The following RNF216 variants were observed in gnomAD, a reference collection of about 807,000 sequenced individuals.
RNF216 encodes the protein ring finger protein 216, also known as E3 ubiquitin-protein ligase RNF216.
In RNF216, 72 loss-of-function variants were observed where a neutral mutation model predicts 110.8. The ratio of observed to expected loss-of-function variants is 0.65; its 90% confidence interval spans 0.54 to 0.79. RNF216 has a LOEUF of 0.79. Among genes scored for constraint, RNF216 ranks in the 30% least tolerant of loss-of-function variants. The pLI is 0.00. For missense variants in RNF216, 1,342 were observed against 1,141.2 expected (o/e 1.18, Z -2.54); for synonymous variants, 495 against 407.5 (o/e 1.21, Z -2.59).
chr7:5,696,072 T>C lies in RNF216; in HGVS notation c.2061+15689A>G, dbSNP rs1215978440. On this transcript the variant is annotated intron_variant, in intron 13 of 16. Transcript: ENST00000389902. The surrounding 1 kb of genome is among the most constrained non-coding windows in gnomAD (Gnocchi z 5.4). ...ACCCAGCACGGCCTTGATCCCTGAC[T>C]CCCAGGAGGCACGGAAGGACAAGAA... is the stretch of plus-strand genomic sequence containing the variant. Among the ~76,000 whole-genome samples the C allele has an allele frequency of 6.6e-6, 1 of 152,024 alleles. No homozygotes were observed. The highest frequency in any genetic ancestry group is 1.5e-5 in the Non-Finnish European group (1 of 68,010).
rs1484079002 is a variant in RNF216, at chr7:5,651,331, A to G, written c.2159+1082T>C. 2.0e-5 allele frequency among the ~76,000 whole-genome samples: 3 copies of G among 152,008 alleles called. No homozygotes were observed. The East Asian group carries it at 5.8e-4, about 30-fold the overall frequency. Reference sequence around the variant, plus strand: ...AACCTCTGCCTCCCTGGTTCAAGCAATTCTCTTGCCTTAGCCTCCCAAGTA... The same window carrying G: ...AACCTCTGCCTCCCTGGTTCAAGCAGTTCTCTTGCCTTAGCCTCCCAAGTA... On this transcript the variant is annotated intron_variant, in intron 14 of 16. Coordinates refer to ENST00000389902, the MANE Select transcript of RNF216 (RefSeq NM_207111.4).
intron 13 of RNF216, among the ~76,000 whole-genome samples, chr7:5,705,743 T>A (rs1466346501): frequency 6.6e-6 from 1 of 151,962 alleles, no homozygotes; most frequent in Non-Finnish European, 1.5e-5. Context: ...ACCCCGCCTC[T>A]ACAAAAATAC....
In RNF216 at chr7:5,709,395, G is replaced by A. The variant is rs569496684; in HGVS notation, c.2061+2366C>T. On this transcript the variant is annotated intron_variant, in intron 13 of 16. Coordinates refer to ENST00000389902, the MANE Select transcript of RNF216 (RefSeq NM_207111.4). ...AAATTCCCCAGCCTTTGATGCAACTGGTTTCTGGATTTCTCACAGAGAGAA... is the reference window on the plus strand; with the variant it reads ...AAATTCCCCAGCCTTTGATGCAACTAGTTTCTGGATTTCTCACAGAGAGAA... Among the ~76,000 whole-genome samples the A allele has an allele frequency of 4.6e-5, 7 of 152,268 alleles. No homozygotes were observed. In the East Asian group the frequency reaches 1.4e-3, roughly 29 times the overall value.
Position 5,741,137 on chromosome 7 carries a change from G to A in RNF216, c.880C>T (p.His294Tyr). Residue 294 changes from histidine (H) to tyrosine (Y), a missense_variant, in exon 4 of 17, where the codon CAT becomes TAT. Coordinates refer to ENST00000389902, the MANE Select transcript of RNF216 (RefSeq NM_207111.4). ...ISGPSSPQPAHPLGEFEDQQL... is the reference protein window; with the variant it reads ...ISGPSSPQPAYPLGEFEDQQL... ...TGGTCTTCAAACTCTCCTAGAGGAT[G>A]GGCAGGCTGAGGAGAAGAGGGGCCT... 1 of 1,614,124 alleles carries A rather than the reference G, an allele frequency of 6.2e-7. No homozygotes were observed. The highest frequency in any genetic ancestry group is 1.1e-5 in the South Asian group (1 of 91,072).
intron 14 of RNF216, among the ~76,000 whole-genome samples, chr7:5,648,367 A>G (rs1176924519): frequency 6.6e-6 from 1 of 151,536 alleles, no homozygotes; most frequent in Non-Finnish European, 1.5e-5. Flanking sequence ...TCAGCCTCCC[A>G]AAGTGCTGGG....
chr7:5,755,677 C>T (rs952474832), intron 2 of RNF216, among the ~76,000 whole-genome samples: 9 of 152,162 alleles, frequency 5.9e-5, no homozygotes, highest in Non-Finnish European at 1.2e-4. Context: ...ATGAATATAA[C>T]ATAAAATTAT....
chr7:5,704,637 T>C (rs916278210), intron 13 of RNF216, among the ~76,000 whole-genome samples: 1 of 152,218 alleles, frequency 6.6e-6, no homozygotes, highest in African/African-American at 2.4e-5. Context: ...CCTTTCCTCA[T>C]GGAGCATCTG....
At chr7:5,687,409 A>AAAG (rs1554251844) in intron 13 of RNF216, among the ~76,000 whole-genome samples, 13 of 150,192 alleles carry the variant, frequency 8.7e-5, no homozygotes, top group African/African-American at 2.4e-4. Flanking sequence ...AAAAAAAAAA[A>AAAG]AAAAAGAAAA....
intron 1 of RNF216, among the ~76,000 whole-genome samples, chr7:5,768,030 G>A (rs2128677172): frequency 6.6e-6 from 1 of 152,146 alleles, no homozygotes; most frequent in South Asian, 2.1e-4. Context: ...TTAATAAAGA[G>A]CAAACCATGA....
At chr7:5,637,796 C>A (rs941536556) in intron 15 of RNF216, among the ~76,000 whole-genome samples, 1 of 152,192 alleles carries the variant, frequency 6.6e-6, no homozygotes, top group Non-Finnish European at 1.5e-5. Flanking sequence ...CCGCCTTGGG[C>A]TCTCGAAGTG....
chr7:5,737,251 C>G (rs543316682), intron 5 of RNF216, among the ~76,000 whole-genome samples: 1 of 152,312 alleles, frequency 6.6e-6, no homozygotes, highest in Admixed American at 6.5e-5. Context: ...GAAACATGTG[C>G]TGTGTCCACT....
At chr7:5,749,230 A>T (rs1795209110) in intron 3 of RNF216, among the ~76,000 whole-genome samples, 1 of 150,724 alleles carries the variant, frequency 6.6e-6, no homozygotes, top group South Asian at 2.1e-4. Flanking sequence ...GGCTCACTGC[A>T]ACCTCCATCT....
chr7:5,708,295 G>C (rs749884723), intron 13 of RNF216, among the ~76,000 whole-genome samples: 26 of 152,172 alleles, frequency 1.7e-4, no homozygotes, highest in Non-Finnish European at 3.5e-4. Flanking sequence ...CTAATCTTCT[G>C]CCTGGTGGTG....
Position 5,761,010 on chromosome 7 carries a change from C to T in RNF216, c.60G>A (p.Arg20=), listed in dbSNP as rs1584594728. 6.4e-7 allele frequency: 1 copy of T among 1,571,648 alleles called. No homozygotes were observed. Among genetic ancestry groups the T allele is most frequent in the Non-Finnish European group, 8.6e-7 (1 of 1,163,912 alleles). ...VIHLNNFHCH[R]GQEWINLRDG... ...TGAGAACAAACAACTTACCTTGTCC[C>T]CGATGGCAGTGAAAGTTGTTCAAGT... Residue 20 remains arginine (R), a synonymous_variant, in exon 2 of 17, where the codon CGG becomes CGA. Transcript: ENST00000389902.
intron 1 of RNF216, among the ~76,000 whole-genome samples, chr7:5,773,096 T>G (rs1796584893): frequency 6.6e-6 from 1 of 152,150 alleles, no homozygotes. Flanking sequence ...ATTCCCACTT[T>G]TAAAACTGAC....
chr7:5,730,900 A>G (rs1268068937), intron 5 of RNF216, 83 bp from the exon 6 acceptor site: 92 of 1,564,368 alleles, frequency 5.9e-5, no homozygotes, highest in Non-Finnish European at 8.0e-5. Flanking sequence ...GTTGAAGAAT[A>G]TAGTCCTTAG....
chr7:5,770,047 A>G (rs1480843509), intron 1 of RNF216, among the ~76,000 whole-genome samples: 18 of 139,564 alleles, frequency 1.3e-4, no homozygotes, highest in South Asian at 2.3e-4. Context: ...AAAAAAAAAA[A>G]AAAAAAGACT....
intron 10 of RNF216, 118 bp from the exon 11 acceptor site, chr7:5,715,308 T>C: frequency 1.1e-6 from 1 of 885,464 alleles, no homozygotes; most frequent in South Asian, 1.6e-5. Flanking sequence ...AAGCAACCCA[T>C]TTTAGGGGCC....
intron 13 of RNF216, among the ~76,000 whole-genome samples, chr7:5,672,294 T>C (rs1328523891): frequency 1.3e-5 from 2 of 152,172 alleles, no homozygotes; most frequent in Non-Finnish European, 2.9e-5. Context: ...TAAATACATG[T>C]TTACTTTGGG....
Sources: allele counts gnomAD v4.1 joint callset (sites outside exome capture counted in the v4.1 genomes callset), GRCh38; gene constraint gnomAD v4.1.1; non-coding constraint Gnocchi (gnomAD v3.1); transcripts MANE v1.5; gene names NCBI Gene and HGNC (gene_info 2026-07-23, HGNC 2026-07-21).